ATAD3A: variants seen among roughly 807,000 people sequenced by gnomAD.
The protein encoded by ATAD3A is ATPase family AAA domain containing 3A.
In ATAD3A, 46 loss-of-function variants were observed where a neutral mutation model predicts 73.8. The ratio of observed to expected loss-of-function variants is 0.62; its 90% CI spans 0.49 to 0.80. The LOEUF (loss-of-function observed/expected upper bound fraction) is 0.80, where lower values mean the gene tolerates loss of function less well. Among genes scored for constraint, ATAD3A ranks in the 30% least tolerant of loss-of-function variants. ATAD3A has a pLI of 0.00. For synonymous variants in ATAD3A, 319 were observed against 350.0 expected, an observed-to-expected ratio of 0.91 and a Z score of 0.99; for missense variants, 705 against 838.0, an observed-to-expected ratio of 0.84 and a Z score of 1.96.
chr1:1,527,830 G>A lies in ATAD3A; in HGVS notation c.1473G>A (p.Lys491=), dbSNP rs1424228842. ...RERLVRMYFD[K]YVLKPATEGK... ...GCCTGGTGAGAATGTATTTTGACAA[G>A]TATGTTCTTAAGCCGGCCACAGAAG... The change falls in exon 14 of 16, where the codon AAG becomes AAA. Residue 491 remains lysine, a synonymous_variant. Coordinates refer to ENST00000378756, the MANE Select transcript of ATAD3A (RefSeq NM_001170535.3). The A allele has an allele frequency of 5.0e-6, 8 of 1,613,908 alleles. No homozygotes were observed. The highest frequency in any genetic ancestry group is 1.7e-5 in the Admixed American group (1 of 60,028).
chr1:1,530,521 G>A (rs1414203374), intron 15 of ATAD3A, among the ~76,000 whole-genome samples: 1 of 149,336 alleles, frequency 6.7e-6, no homozygotes, highest in Non-Finnish European at 1.5e-5. Context: ...TACAGAGCAA[G>A]ACCCTGTCTT....
Position 1,512,231 on chromosome 1 carries a change from G to C in ATAD3A, c.-38G>C, listed in dbSNP as rs749293250. On this transcript the variant is annotated 5_prime_UTR_variant, in exon 1 of 16. Transcript: ENST00000378756. ...GCCGCGCGCGAGTCAGACTCGGGTG[G>C]GGGTCCCGGCGGCGGTAGCGGCGGC... 25 of 1,271,354 alleles carry C rather than the reference G, an allele frequency of 2.0e-5. No individual in the cohort carries two copies. The highest frequency in any genetic ancestry group is 2.4e-5 in the Non-Finnish European group (24 of 1,004,732). The allele number at this position is 1,271,354 out of a possible 1,614,324, so 78.8% of individuals were successfully genotyped here. A position where few individuals can be genotyped will look rare whatever the true frequency, so the allele number is the denominator to read the frequency against.
chr1:1,534,138 C>T lies in ATAD3A; in HGVS notation c.*66C>T, dbSNP rs1642140137. On this transcript the variant is annotated 3_prime_UTR_variant, in exon 16 of 16. Coordinates refer to ENST00000378756, the MANE Select transcript of ATAD3A (RefSeq NM_001170535.3). ...ACCCCTCCCACCCCTGCCTTGCCGG[C>T]CCCTGCACATTTAGGATATGCTCCT... 1.6e-5 allele frequency: 25 copies of T among 1,607,154 alleles called. No individual in the cohort carries two copies. Among genetic ancestry groups the T allele is most frequent in the Non-Finnish European group, 2.0e-5 (24 of 1,176,610 alleles).
intron 15 of ATAD3A, among the ~76,000 whole-genome samples, chr1:1,530,909 T>G (rs540770122): frequency 1.3e-5 from 2 of 151,546 alleles, no homozygotes; most frequent in Non-Finnish European, 2.9e-5. Context: ...CCCAGCACGT[T>G]GGGAGGCTGA....
chr1:1,514,916 C>T (rs1367048024), intron 1 of ATAD3A, among the ~76,000 whole-genome samples: 3 of 152,176 alleles, frequency 2.0e-5, no homozygotes, highest in African/African-American at 7.2e-5. Context: ...GTCCGTCGCC[C>T]AGGCTGGAGT....
chr1:1,529,644 G>A (rs114172379), intron 15 of ATAD3A, among the ~76,000 whole-genome samples: 2,025 of 152,316 alleles, frequency 0.013, 20 homozygotes, highest in Middle Eastern at 0.027. Context: ...CTCTCACCTT[G>A]GCCAATAGGC....
chr1:1,524,218 C>G, intron 10 of ATAD3A, 55 bp from the exon 11 acceptor site: 1 of 1,613,446 alleles, frequency 6.2e-7, no homozygotes, highest in Non-Finnish European at 8.5e-7. Context: ...AGTGTGCAGG[C>G]TTTGCAGAGG....
At chr1:1,517,156 C>T in intron 2 of ATAD3A, 155 bp from the exon 3 acceptor site, 1 of 1,548,914 alleles carries the variant, frequency 6.5e-7, no homozygotes, top group Non-Finnish European at 8.7e-7. Flanking sequence ...AGGGCCTGAT[C>T]CTGGGTGCAG....
chr1:1,515,076 T>C (rs1251483515), intron 1 of ATAD3A, among the ~76,000 whole-genome samples: 2 of 152,070 alleles, frequency 1.3e-5, no homozygotes, highest in African/African-American at 2.4e-5. Context: ...GGTTTCGCCA[T>C]GTTGGCCCGG....
chr1:1,518,418 GAC>G (rs375121012), intron 4 of ATAD3A, among the ~76,000 whole-genome samples: 74 of 120,986 alleles, frequency 6.1e-4, no homozygotes, highest in African/African-American at 2.2e-3. Flanking sequence ...CCCATAGACG[GAC>G]ACACACACAC....
rs188390612 is a variant in ATAD3A at position 1,525,636 on chromosome 1, G to C, written c.1266+345G>C. 8.4e-4 allele frequency among the ~76,000 whole-genome samples: 128 copies of C among 152,020 alleles called. 1 individual carries two copies. The highest frequency in any genetic ancestry group is 6.0e-3 in the East Asian group (31 of 5,154). ...TCACCGTGTTAGCCAGGATGGTCTC[G>C]ATCTCCTGACCTCGTGATCCTCCCG... is the stretch of plus-strand genomic sequence containing the variant. On this transcript the variant is annotated intron_variant, in intron 12 of 15. Transcript: ENST00000378756.
intron 14 of ATAD3A, among the ~76,000 whole-genome samples, chr1:1,528,123 C>G (rs1456778288): frequency 6.6e-6 from 1 of 152,080 alleles, no homozygotes; most frequent in Non-Finnish European, 1.5e-5. Context: ...CCATGCCTGG[C>G]TAATTTTTTT....
chr1:1,531,303 T>C (rs1028407830), intron 15 of ATAD3A, among the ~76,000 whole-genome samples: 35 of 151,220 alleles, frequency 2.3e-4, no homozygotes, highest in African/African-American at 7.3e-4. Context: ...ATACAAAAAT[T>C]AGCTGGGTGT....
intron 4 of ATAD3A, among the ~76,000 whole-genome samples, chr1:1,518,520 C>T (rs756907398): frequency 1.6e-4 from 16 of 98,360 alleles, no homozygotes; most frequent in Middle Eastern, 9.4e-3. Flanking sequence ...CCCACATGGG[C>T]GCACAGACCC....
chr1:1,526,030 T>C (rs1641830843), intron 12 of ATAD3A, among the ~76,000 whole-genome samples: 1 of 151,470 alleles, frequency 6.6e-6, no homozygotes, highest in South Asian at 2.1e-4. Flanking sequence ...CTTTTTCTTT[T>C]TTTTTTTTTT....
chr1:1,520,425 G>A lies in ATAD3A; in HGVS notation c.680+119G>A. ...CCGCCGTAGGCTGACTCCTTGGTGG[G>A]GGCACTGCCCCTCTGTCCTGGCAAG... On this transcript the variant is annotated intron_variant, in intron 6 of 15. Transcript: ENST00000378756. This position sits in a 1 kb window ranked among gnomAD's most constrained non-coding sequence, Gnocchi z 4.0. The A allele has an allele frequency of 6.3e-7, 1 of 1,594,828 alleles. No homozygotes were observed. Among genetic ancestry groups the A allele is most frequent in the Non-Finnish European group, 8.6e-7 (1 of 1,167,440 alleles).
intron 15 of ATAD3A, among the ~76,000 whole-genome samples, chr1:1,531,338 C>G (rs1642026268): frequency 6.6e-6 from 1 of 152,134 alleles, no homozygotes; most frequent in Non-Finnish European, 1.5e-5. Flanking sequence ...GTAATCCCAG[C>G]TACTTGGGAG....
intron 4 of ATAD3A, 61 bp from the exon 5 acceptor site, chr1:1,518,860 C>T: frequency 6.2e-7 from 1 of 1,613,652 alleles, no homozygotes; most frequent in Non-Finnish European, 8.5e-7. Context: ...TCATCCCCCG[C>T]ACACATGGGC....
At chr1:1,527,958 C>A in intron 14 of ATAD3A, 96 bp downstream of exon 14, 4 of 981,008 alleles carry the variant, frequency 4.1e-6, no homozygotes, top group Non-Finnish European at 4.1e-6. Context: ...TTTAACATTC[C>A]TTTTTTTTTT....
Sources: allele counts gnomAD v4.1 joint callset (sites outside exome capture counted in the v4.1 genomes callset), GRCh38; gene constraint gnomAD v4.1.1; non-coding constraint Gnocchi (gnomAD v3.1); transcripts MANE v1.5; gene names NCBI Gene and HGNC (gene_info 2026-07-23, HGNC 2026-07-21).